PYHIN1: variants seen among roughly 807,000 people sequenced by gnomAD.
PYHIN1 encodes the protein pyrin and HIN domain-containing protein 1.
PYHIN1 carries 32 observed loss-of-function variants against 43.7 expected under a neutral mutation model. The observed-to-expected ratio is 0.73, with a 90% CI of 0.55 to 0.98. The LOEUF (loss-of-function observed/expected upper bound fraction) is 0.98, where lower values mean the gene tolerates loss of function less well. PYHIN1 is among the 50% of genes least tolerant of loss of function. The pLI is 0.00. For synonymous variants in PYHIN1, 205 were observed against 203.1 expected, an observed-to-expected ratio of 1.01 and a Z score of -0.08; for missense variants, 588 against 589.5, an observed-to-expected ratio of 1.00 and a Z score of 0.03.
rs765583628 is a variant in PYHIN1 at position 158,939,255 on chromosome 1, C to A, written c.579+8C>A. The A allele has an allele frequency of 2.0e-5, 31 of 1,588,850 alleles. No homozygotes were observed. The Admixed American group carries it at 5.5e-4, about 28-fold the overall frequency. On this transcript the variant is annotated splice_region_variant and intron_variant, in intron 4 of 8. Coordinates refer to ENST00000368140, the MANE Select transcript of PYHIN1 (RefSeq NM_152501.5). ...AACACTTCCTCAACTGAGGTACACT[C>A]TTCCTGGTCCCCTTTTGATTCATTT... is the stretch of plus-strand genomic sequence containing the variant.
chr1:158,943,214 G>A, intron 5 of PYHIN1, among the ~76,000 whole-genome samples: 1 of 152,086 alleles, frequency 6.6e-6, no homozygotes, highest in East Asian at 1.9e-4. Context: ...CACTCTTAAA[G>A]AAATTCTTAG....
At chr1:158,952,910 G>C (rs1256214720) in intron 7 of PYHIN1, among the ~76,000 whole-genome samples, 23 of 152,232 alleles carry the variant, frequency 1.5e-4, no homozygotes, top group Admixed American at 1.5e-3. Flanking sequence ...CCATGCGCGA[G>C]CCGAAGTAGG....
intron 5 of PYHIN1, 110 bp from the exon 6 acceptor site, chr1:158,943,680 T>C (rs1185276357): frequency 2.9e-6 from 2 of 687,926 alleles, no homozygotes; most frequent in African/African-American, 3.6e-5. Flanking sequence ...GTCGATACAG[T>C]ACTAGGAGTT....
the PYHIN1 span, among the ~76,000 whole-genome samples, chr1:158,985,919 TCTTTCCTCAG>T: frequency 6.6e-6 from 1 of 152,220 alleles, no homozygotes; most frequent in East Asian, 1.9e-4. Flanking sequence ...CTCTGAGATT[TCTTTCCTCAG>T]CTTTCCTCAG....
At chr1:158,980,450 G>A (rs1056357674), downstream of PYHIN1, among the ~76,000 whole-genome samples, 11 of 152,140 alleles carry the variant, frequency 7.2e-5, no homozygotes, top group African/African-American at 2.7e-4. Flanking sequence ...GGATGTGCAA[G>A]TAGGAAAGAT....
At chr1:158,969,933 G>C (rs1650841952) in intron 7 of PYHIN1, among the ~76,000 whole-genome samples, 1 of 151,910 alleles carries the variant, frequency 6.6e-6, no homozygotes, top group Admixed American at 6.6e-5. Context: ...GACCTTTTCT[G>C]CTTTGGTGAC....
At chr1:158,966,874 A>G (rs1199561469) in intron 7 of PYHIN1, among the ~76,000 whole-genome samples, 2 of 152,128 alleles carry the variant, frequency 1.3e-5, no homozygotes, top group African/African-American at 4.8e-5. Context: ...GAATCAGGCA[A>G]GATAAAGAAA....
At chr1:158,968,906 T>C (rs528038868) in intron 7 of PYHIN1, among the ~76,000 whole-genome samples, 1 of 151,254 alleles carries the variant, frequency 6.6e-6, no homozygotes, top group South Asian at 2.1e-4. Context: ...AGATGGAGGA[T>C]GGGAAGAGGG....
chr1:158,965,997 A>G (rs1399212312), intron 7 of PYHIN1, among the ~76,000 whole-genome samples: 1 of 152,154 alleles, frequency 6.6e-6, no homozygotes, highest in Non-Finnish European at 1.5e-5. Flanking sequence ...ATAGACTAAA[A>G]AAAGAGACAA....
chr1:158,952,378 G>A (rs906282864), intron 7 of PYHIN1, among the ~76,000 whole-genome samples: 2 of 2,820 alleles, frequency 7.1e-4, no homozygotes, highest in Non-Finnish European at 2.5e-3. Flanking sequence ...TTTTATAAGC[G>A]TTAAAAAAAA....
At chr1:158,984,535 G>GA in the PYHIN1 span, among the ~76,000 whole-genome samples, 3 of 151,988 alleles carry the variant, frequency 2.0e-5, no homozygotes, top group Non-Finnish European at 4.4e-5. Context: ...TCTGTTTTTT[G>GA]AATTTCCTGA....
chr1:158,957,450 G>T (rs1027022794), intron 7 of PYHIN1, among the ~76,000 whole-genome samples: 1 of 151,554 alleles, frequency 6.6e-6, no homozygotes, highest in African/African-American at 2.4e-5. Context: ...AAATAATGCC[G>T]CATATCTACA....
At chr1:158,984,415 T>G in the PYHIN1 span, among the ~76,000 whole-genome samples, 1 of 152,174 alleles carries the variant, frequency 6.6e-6, no homozygotes, top group Non-Finnish European at 1.5e-5. Context: ...CAAAAGTCAT[T>G]CAGGAGTAAG....
At position 158,973,763 on chromosome 1, in the gene PYHIN1, T is replaced by A; in HGVS notation, c.1476T>A (p.Pro492=). ...DTSTNRHPAV[P] ...CCACCAACCGCCATCCAGCAGTTCCTTAAATAAGGTACCACCTTTCTATTT... is the reference window on the plus strand; with the variant it reads ...CCACCAACCGCCATCCAGCAGTTCCATAAATAAGGTACCACCTTTCTATTT... Residue 492 remains proline (P), a synonymous_variant, in exon 8 of 9, where the codon CCT becomes CCA. Coordinates refer to ENST00000368140, the MANE Select transcript of PYHIN1 (RefSeq NM_152501.5). 6.2e-7 allele frequency: 1 copy of A among 1,612,864 alleles called. No homozygotes were observed. The highest frequency in any genetic ancestry group is 8.5e-7 in the Non-Finnish European group (1 of 1,179,224).
intron 7 of PYHIN1, among the ~76,000 whole-genome samples, chr1:158,971,364 C>G (rs1650922039): frequency 6.6e-6 from 1 of 151,834 alleles, no homozygotes; most frequent in African/African-American, 2.4e-5. Context: ...AAGTGCTTTC[C>G]TTAGTGCTTA....
chr1:158,979,522 A>C (rs533812775), downstream of PYHIN1, among the ~76,000 whole-genome samples: 2 of 152,316 alleles, frequency 1.3e-5, no homozygotes, highest in East Asian at 3.9e-4. Flanking sequence ...ATTAAGAAAG[A>C]ATAACATTCC....
At position 158,944,923 on chromosome 1, in the gene PYHIN1, C is replaced by T. The variant is rs921155562; in HGVS notation, c.1240C>T (p.Leu414=). 6.2e-6 allele frequency: 10 copies of T among 1,613,094 alleles called. No homozygotes were observed. The highest frequency in any genetic ancestry group is 3.3e-5 in the South Asian group (3 of 91,002). Residue 414 remains leucine (L), a synonymous_variant, in exon 7 of 9, where the codon CTA becomes TTA. Coordinates refer to ENST00000368140, the MANE Select transcript of PYHIN1 (RefSeq NM_152501.5). ...QRSHDSRSMA[L]PQEQSQHPKP... is the part of the protein sequence containing the mutation. Reference sequence around the variant, plus strand: ...AAGCCATGACTCCAGGAGCATGGCACTACCCCAGGAACAGAGTCAGCATCC... The same window carrying T: ...AAGCCATGACTCCAGGAGCATGGCATTACCCCAGGAACAGAGTCAGCATCC...
chr1:158,956,848 GA>G (rs1649966908), intron 7 of PYHIN1, among the ~76,000 whole-genome samples: 1 of 135,220 alleles, frequency 7.4e-6, no homozygotes, highest in Admixed American at 7.6e-5. Context: ...TGTATATCTA[GA>G]AAACCCCATT....
At chr1:158,976,518 G>A (rs1015491973) in intron 8 of PYHIN1, among the ~76,000 whole-genome samples, 183 bp from the exon 9 acceptor site, 3 of 151,944 alleles carry the variant, frequency 2.0e-5, no homozygotes, top group Admixed American at 6.6e-5. Context: ...CAACAGAGGG[G>A]GAAGATGTGA....
Sources: gnomAD v4.1 joint callset for allele counts (sites outside exome capture counted in the v4.1 genomes callset) on GRCh38, gnomAD v4.1.1 for gene constraint, MANE v1.5 for transcripts, NCBI Gene and HGNC (gene_info 2026-07-23, HGNC 2026-07-21) for gene names.